The following ANK2 variants were observed in gnomAD, a reference collection of about 807,000 sequenced individuals.
ANK2 encodes the protein ankyrin 2.
A neutral mutation model predicts 360.5 loss-of-function variants in ANK2; 83 were observed. The observed-to-expected ratio is 0.23, with a 90% CI of 0.19 to 0.28. The LOEUF is 0.28. Ranked by LOEUF, ANK2 falls within the 10% of genes least tolerant of loss-of-function variation. The pLI is 1.00. For missense variants in ANK2, 4,201 were observed against 4,795.7 expected (o/e 0.88, Z 3.66); for synonymous variants, 1,740 against 1,759.5 (o/e 0.99, Z 0.28).
chr4:113,265,167 C>T (rs1005770556), intron 14 of ANK2, among the ~76,000 whole-genome samples, 172 bp downstream of exon 14: 17 of 152,110 alleles, frequency 1.1e-4, no homozygotes, highest in African/African-American at 3.6e-4. Context: ...TAAGCAATTA[C>T]ACACGACGAA....
At chr4:112,754,141 AT>A in the ANK2 span, among the ~76,000 whole-genome samples, 4 of 131,790 alleles carry the variant, frequency 3.0e-5, no homozygotes, top group Admixed American at 2.2e-4. Context: ...ATATATATAT[AT>A]ATATATAAAA....
At chr4:112,921,875 A>T (rs952727377) in intron 2 of ANK2, among the ~76,000 whole-genome samples, 3 of 152,182 alleles carry the variant, frequency 2.0e-5, no homozygotes, top group African/African-American at 7.2e-5. Context: ...CTGGGAACTG[A>T]CAACTGACAG....
At chr4:112,940,583 G>A (rs1183976038) in intron 2 of ANK2, among the ~76,000 whole-genome samples, 1 of 152,136 alleles carries the variant, frequency 6.6e-6, no homozygotes, top group Admixed American at 6.5e-5. Context: ...TCAAATGCCA[G>A]AGGCATTGTG....
At chr4:113,341,951 C>T in intron 33 of ANK2, 35 bp downstream of exon 33, 1 of 1,476,046 alleles carries the variant, frequency 6.8e-7, no homozygotes, top group South Asian at 1.1e-5. Flanking sequence ...TAATTTATGC[C>T]ATGTTGTTAT....
the ANK2 span, among the ~76,000 whole-genome samples, chr4:112,774,740 A>G: frequency 6.6e-6 from 1 of 152,240 alleles, no homozygotes; most frequent in East Asian, 1.9e-4. Context: ...AGTCCAGTCC[A>G]AGGAATAGTG....
At chr4:112,827,684 A>G (rs2058701881) in intron 1 of ANK2, 1 of 615,580 alleles carries the variant, frequency 1.6e-6, no homozygotes, top group African/African-American at 1.8e-5. Context: ...CTGTTCTGAA[A>G]TTTCGATTCC....
At chr4:112,869,934 G>A (rs1160157456) in intron 1 of ANK2, among the ~76,000 whole-genome samples, 2 of 151,998 alleles carry the variant, frequency 1.3e-5, no homozygotes, top group Non-Finnish European at 2.9e-5. Context: ...CACCCACCTT[G>A]GCCTCCCGAA....
At chr4:113,285,518 C>G (rs1467527207) in intron 18 of ANK2, among the ~76,000 whole-genome samples, 1 of 152,152 alleles carries the variant, frequency 6.6e-6, no homozygotes, top group Non-Finnish European at 1.5e-5. Context: ...ACAGTGCTTA[C>G]AGTTTCTTAT....
At chr4:112,964,429 A>T (rs565559648) in intron 2 of ANK2, among the ~76,000 whole-genome samples, 16 of 151,992 alleles carry the variant, frequency 1.1e-4, no homozygotes, top group African/African-American at 3.9e-4. Context: ...GCACCTGAAA[A>T]GTTTGTCTTT....
chr4:113,060,973 G>C (rs545653408), intron 1 of ANK2, among the ~76,000 whole-genome samples: 4 of 152,104 alleles, frequency 2.6e-5, no homozygotes, highest in Non-Finnish European at 5.9e-5. Flanking sequence ...TAATTCAAAA[G>C]GTCACTAATC....
chr4:112,970,820 T>G (rs1349739599), intron 2 of ANK2, among the ~76,000 whole-genome samples: 2 of 152,118 alleles, frequency 1.3e-5, no homozygotes, highest in Non-Finnish European at 2.9e-5. Flanking sequence ...ATTGTATACT[T>G]GAAAATCAGG....
intron 26 of ANK2, among the ~76,000 whole-genome samples, chr4:113,323,242 C>G (rs1317249960): frequency 2.0e-5 from 3 of 152,154 alleles, no homozygotes; most frequent in African/African-American, 4.8e-5. Flanking sequence ...TTGCGATACT[C>G]TAGTAGGTAA....
intron 1 of ANK2, among the ~76,000 whole-genome samples, chr4:113,142,365 T>C (rs990657997): frequency 1.3e-5 from 2 of 152,220 alleles, no homozygotes; most frequent in East Asian, 3.8e-4. Context: ...ACAGACCCCT[T>C]ACACTTTTAT....
chr4:113,290,162 G>GTTTTTTTT (rs201484217), intron 20 of ANK2, among the ~76,000 whole-genome samples: 1 of 144,450 alleles, frequency 6.9e-6, no homozygotes. Context: ...TATCATTTCA[G>GTTTTTTTT]TTTTTTTTGT....
At chr4:113,018,054 T>A (rs967750806) in intron 2 of ANK2, among the ~76,000 whole-genome samples, 2 of 152,242 alleles carry the variant, frequency 1.3e-5, no homozygotes, top group Admixed American at 1.3e-4. Context: ...CAATTTTTGA[T>A]TATACTTCCC....
At chr4:112,912,961 G>T (rs1313310645) in intron 2 of ANK2, among the ~76,000 whole-genome samples, 2 of 152,110 alleles carry the variant, frequency 1.3e-5, no homozygotes, top group Admixed American at 1.3e-4. Flanking sequence ...GGTAGGGGAA[G>T]CACTAGACTG....
chr4:112,952,340 A>G (rs756787896), intron 2 of ANK2, among the ~76,000 whole-genome samples: 4 of 152,222 alleles, frequency 2.6e-5, no homozygotes, highest in African/African-American at 7.2e-5. Flanking sequence ...TTGTTTGACT[A>G]TAAGTTTATA....
chr4:112,921,121 G>A (rs1343604472), intron 2 of ANK2, among the ~76,000 whole-genome samples: 10 of 148,350 alleles, frequency 6.7e-5, no homozygotes, highest in African/African-American at 2.0e-4. Context: ...GTGCGATCTC[G>A]GCTCAAACAA....
chr4:112,736,958 A>G, the ANK2 span, among the ~76,000 whole-genome samples: 18 of 152,312 alleles, frequency 1.2e-4, no homozygotes, highest in Admixed American at 5.9e-4. Context: ...GGTAGTGGTA[A>G]GTAGTGGTGG....
Sources: gnomAD v4.1 joint callset for allele counts (sites outside exome capture counted in the v4.1 genomes callset) on GRCh38, gnomAD v4.1.1 for gene constraint, MANE v1.5 for transcripts, NCBI Gene and HGNC (gene_info 2026-07-23, HGNC 2026-07-21) for gene names.